SNORC: variants seen among roughly 807,000 people sequenced by gnomAD.
The protein encoded by SNORC is secondary ossification center associated regulator of chondrocyte maturation.
In SNORC, 11 loss-of-function variants were observed where a neutral mutation model predicts 9.7. The observed-to-expected ratio is 1.14, with a 90% CI of 0.72 to 1.88. The LOEUF (loss-of-function observed/expected upper bound fraction) is 1.88, where lower values mean the gene tolerates loss of function less well. Ranked by LOEUF, SNORC falls within the 40% of genes most tolerant of loss-of-function variation. SNORC has a pLI of 0.00. For missense variants in SNORC, 197 were observed against 173.1 expected (o/e 1.14, Z -0.77); for synonymous variants, 108 against 88.7 (o/e 1.22, Z -1.22).
chr2:232,875,524 G>A (rs567586121), intron 1 of SNORC: 11 of 423,506 alleles, frequency 2.6e-5, no homozygotes, highest in African/African-American at 1.9e-4. Context: ...TGGAGTGGTG[G>A]TCAGGGGAGG....
intron 1 of SNORC, 98 bp from the exon 2 acceptor site, chr2:232,875,842 C>T (rs994843068): frequency 7.7e-7 from 1 of 1,299,308 alleles, no homozygotes; most frequent in East Asian, 2.6e-5. Context: ...AGACCCCTCA[C>T]ACAGCGCTAC....
chr2:232,870,833 T>C (rs2675966), intron 1 of SNORC, among the ~76,000 whole-genome samples: 94,373 of 152,090 alleles, frequency 0.62, 29,568 homozygotes, highest in East Asian at 0.67. Context: ...CCCTGCTGGT[T>C]TCTGCGACGT....
chr2:232,875,835 C>T, intron 1 of SNORC, 105 bp from the exon 2 acceptor site: 2 of 1,183,886 alleles, frequency 1.7e-6, no homozygotes, highest in Non-Finnish European at 2.3e-6. Context: ...TGAGCCCAGA[C>T]CCCTCACACA....
intron 1 of SNORC, among the ~76,000 whole-genome samples, chr2:232,873,196 C>T (rs983581624): frequency 1.3e-5 from 2 of 152,214 alleles, no homozygotes; most frequent in African/African-American, 2.4e-5. Flanking sequence ...TCTGAACCCC[C>T]GTCTTACAGG....
chr2:232,872,679 G>A (rs1162983952), intron 1 of SNORC, among the ~76,000 whole-genome samples: 1 of 152,134 alleles, frequency 6.6e-6, no homozygotes, highest in Non-Finnish European at 1.5e-5. Flanking sequence ...CTGGCACGCC[G>A]TGAGTTCCGT....
downstream of SNORC, chr2:232,877,917 G>A (rs1185657339): frequency 1.3e-5 from 2 of 152,256 alleles, no homozygotes; most frequent in Admixed American, 6.5e-5. Context: ...CAAAAGGCAC[G>A]GGGACCAATG....
At chr2:232,877,568 C>A (rs1215360159), downstream of SNORC, 1 of 165,032 alleles carries the variant, frequency 6.1e-6, no homozygotes, top group Non-Finnish European at 1.3e-5. Context: ...AATTCATTTT[C>A]TCTAGCAGCT....
chr2:232,870,454 C>T, intron 1 of SNORC, 40 bp downstream of exon 1: 1 of 1,537,586 alleles, frequency 6.5e-7, no homozygotes, highest in Non-Finnish European at 8.8e-7. Context: ...CCACTAGCCT[C>T]CCAGGGCCGA....
chr2:232,872,695 A>G (rs1255918717), intron 1 of SNORC, among the ~76,000 whole-genome samples: 1 of 151,858 alleles, frequency 6.6e-6, no homozygotes, highest in Non-Finnish European at 1.5e-5. Context: ...TCCGTCCTCC[A>G]CACCTTCGCT....
chr2:232,866,579 G>C (rs1437398527), upstream of SNORC, among the ~76,000 whole-genome samples: 1 of 152,136 alleles, frequency 6.6e-6, no homozygotes, highest in Non-Finnish European at 1.5e-5. Flanking sequence ...TAAGTTTTTA[G>C]TAAGTTAAAT....
chr2:232,875,854 G>C (rs1027738617), intron 1 of SNORC, 86 bp from the exon 2 acceptor site: 54 of 1,378,860 alleles, frequency 3.9e-5, no homozygotes, highest in Non-Finnish European at 4.8e-5. Context: ...CAGCGCTACC[G>C]GCAACTTGCT....
intron 1 of SNORC, 119 bp downstream of exon 1, chr2:232,870,533 C>T: frequency 3.1e-6 from 3 of 976,628 alleles, no homozygotes; most frequent in Non-Finnish European, 4.6e-6. Context: ...GATGGGATGA[C>T]TATTTGGGGT....
At chr2:232,868,683 TG>T (rs1340035341), upstream of SNORC, among the ~76,000 whole-genome samples, 1 of 152,190 alleles carries the variant, frequency 6.6e-6, no homozygotes, top group Non-Finnish European at 1.5e-5. Flanking sequence ...ACTAAGCCAT[TG>T]GTATCCCCTT....
downstream of SNORC, chr2:232,876,911 G>A: frequency 4.1e-6 from 4 of 985,434 alleles, no homozygotes; most frequent in Non-Finnish European, 4.8e-6. The surrounding 1 kb of genome is among the most constrained non-coding windows in gnomAD (Gnocchi z 6.8). Flanking sequence ...GGTTCAGAGC[G>A]TTCCGTGAGG....
intron 1 of SNORC, among the ~76,000 whole-genome samples, chr2:232,871,415 G>C (rs1691020068): frequency 6.6e-6 from 1 of 152,200 alleles, no homozygotes. Context: ...ACCTCTCTGT[G>C]CCTTCTCGTC....
upstream of SNORC, among the ~76,000 whole-genome samples, chr2:232,868,539 A>T (rs2106185232): frequency 6.6e-6 from 1 of 152,344 alleles, no homozygotes; most frequent in Admixed American, 6.5e-5. Context: ...AAAAACAGCC[A>T]CAACCTATCT....
At chr2:232,870,386 C>A in exon 1 of SNORC, 1 of 1,572,198 alleles carries the variant, frequency 6.4e-7, no homozygotes, top group African/African-American at 1.3e-5. Context: ...TGCTGGTCTC[C>A]GGGGTTCTGG....
chr2:232,870,387 G>A (rs747850236), exon 1 of SNORC: 80 of 1,572,260 alleles, frequency 5.1e-5, no homozygotes, highest in Non-Finnish European at 6.6e-5. Context: ...GCTGGTCTCC[G>A]GGGTTCTGGC....
At chr2:232,872,354 C>T (rs1691058393) in intron 1 of SNORC, among the ~76,000 whole-genome samples, 1 of 152,194 alleles carries the variant, frequency 6.6e-6, no homozygotes, top group Non-Finnish European at 1.5e-5. Flanking sequence ...TGAAAAGGCC[C>T]TTCATGGCCC....
Sources: gnomAD v4.1 joint callset for allele counts (sites outside exome capture counted in the v4.1 genomes callset) on GRCh38, gnomAD v4.1.1 for gene constraint, Gnocchi (gnomAD v3.1) non-coding constraint, MANE v1.5 for transcripts, NCBI Gene and HGNC (gene_info 2026-07-23, HGNC 2026-07-21) for gene names.